PLEKHG1: variants seen among roughly 807,000 people sequenced by gnomAD.
PLEKHG1 encodes the protein pleckstrin homology and RhoGEF domain containing G1, also known as pleckstrin homology domain-containing family G member 1.
In PLEKHG1, 44 loss-of-function variants were observed where a neutral mutation model predicts 100.8. The ratio of observed to expected loss-of-function variants is 0.44; its 90% CI spans 0.34 to 0.56. PLEKHG1 has a LOEUF of 0.56. PLEKHG1 is among the 20% of genes least tolerant of loss of function. The pLI is 0.01. For missense variants in PLEKHG1, 1,545 were observed against 1,720.9 expected (o/e 0.90, Z 1.81); for synonymous variants, 640 against 662.5 (o/e 0.97, Z 0.52).
At chr6:150,803,376 T>C (rs1384796263) in intron 6 of PLEKHG1, among the ~76,000 whole-genome samples, 4 of 152,224 alleles carry the variant, frequency 2.6e-5, no homozygotes, top group Admixed American at 6.5e-5. Context: ...TATTGTTGTC[T>C]TTAAAAAGGC....
chr6:150,600,858 T>C lies in PLEKHG1; in HGVS notation c.-204+841T>C, dbSNP rs1212742507. 2.0e-5 allele frequency: 3 copies of C among 152,214 alleles called. No individual in the cohort carries two copies. The highest frequency in any genetic ancestry group is 2.0e-4 in the Admixed American group (3 of 15,280). 9.4% of individuals were successfully genotyped at this position (152,214 alleles called of 1,614,324 possible). ...GGAAACAATGAGCTGGATCCTTGAC[T>C]TGAATGTGCTGGCGGAGCGGGGTTT... is the stretch of plus-strand genomic sequence containing the variant. On this transcript the variant is annotated intron_variant, in intron 1 of 3. Coordinates refer to the PLEKHG1 transcript ENST00000367326. The surrounding 1 kb of genome is among the most constrained non-coding windows in gnomAD (Gnocchi z 6.2).
intron 10 of PLEKHG1, among the ~76,000 whole-genome samples, chr6:150,817,122 GA>G (rs1014012803): frequency 2.0e-5 from 3 of 152,194 alleles, no homozygotes; most frequent in Non-Finnish European, 4.4e-5. Flanking sequence ...GGGGGTTGGG[GA>G]CCCCTGCCCT....
chr6:150,600,610 G>A lies in PLEKHG1; in HGVS notation c.-204+593G>A, dbSNP rs1232196626. 6.6e-6 allele frequency among the ~76,000 whole-genome samples: 1 copy of A among 152,224 alleles called. No individual in the cohort carries two copies. The highest frequency in any genetic ancestry group is 1.5e-5 in the Non-Finnish European group (1 of 68,042). Reference sequence around the variant, plus strand: ...TCTGCAGATGCGCTTTTCAGGGGGTGGGGAGTCAAGAGCCTGTGGCTCTTC... The same window carrying A: ...TCTGCAGATGCGCTTTTCAGGGGGTAGGGAGTCAAGAGCCTGTGGCTCTTC... On this transcript the variant is annotated intron_variant, in intron 1 of 3. Transcript: ENST00000367326. This position sits in a 1 kb window ranked among gnomAD's most constrained non-coding sequence, Gnocchi z 6.2.
intron 1 of PLEKHG1, among the ~76,000 whole-genome samples, chr6:150,603,722 A>G (rs1275570986): frequency 6.8e-6 from 1 of 147,438 alleles, no homozygotes; most frequent in Non-Finnish European, 1.5e-5. Context: ...ATGAGATACA[A>G]GCCAAAGTAA....
intron 3 of PLEKHG1, among the ~76,000 whole-genome samples, chr6:150,666,738 G>A (rs1226345415): frequency 6.6e-6 from 1 of 151,754 alleles, no homozygotes; most frequent in Non-Finnish European, 1.5e-5. Flanking sequence ...TCATACAGTT[G>A]CCATCATACC....
intron 3 of PLEKHG1, among the ~76,000 whole-genome samples, chr6:150,680,658 G>T (rs887192251): frequency 6.6e-6 from 1 of 152,198 alleles, no homozygotes; most frequent in African/African-American, 2.4e-5. Context: ...GGCCAGAAGT[G>T]TCAGATGTTT....
At chr6:150,603,844 C>A (rs1492572) in intron 1 of PLEKHG1, among the ~76,000 whole-genome samples, 1 of 152,012 alleles carries the variant, frequency 6.6e-6, no homozygotes, top group Non-Finnish European at 1.5e-5. Flanking sequence ...CTTCTTTTCC[C>A]CTCCCTTCGT....
At chr6:150,713,793 C>T (rs564406396) in intron 3 of PLEKHG1, among the ~76,000 whole-genome samples, 41 of 152,248 alleles carry the variant, frequency 2.7e-4, no homozygotes, top group Middle Eastern at 3.4e-3. Context: ...GAGCCCTCTC[C>T]TTCATTCCAT....
intron 2 of PLEKHG1, among the ~76,000 whole-genome samples, chr6:150,757,154 C>T (rs963496372): frequency 6.6e-6 from 1 of 152,090 alleles, no homozygotes; most frequent in African/African-American, 2.4e-5. Flanking sequence ...CCCACTACCA[C>T]GCCGAGCAAT....
intron 2 of PLEKHG1, among the ~76,000 whole-genome samples, chr6:150,638,875 G>A (rs1778133898): frequency 6.6e-6 from 1 of 152,170 alleles, no homozygotes; most frequent in African/African-American, 2.4e-5. Flanking sequence ...AAATTTCTTT[G>A]TGGTTTGGCT....
At chr6:150,619,990 G>GT (rs1265582334) in intron 1 of PLEKHG1, among the ~76,000 whole-genome samples, 1 of 152,016 alleles carries the variant, frequency 6.6e-6, no homozygotes, top group African/African-American at 2.4e-5. Flanking sequence ...GTTTCCACAC[G>GT]TTTTTGTTAT....
At chr6:150,788,282 C>T (rs1290859678) in intron 4 of PLEKHG1, among the ~76,000 whole-genome samples, 1 of 152,244 alleles carries the variant, frequency 6.6e-6, no homozygotes, top group Non-Finnish European at 1.5e-5. Context: ...TTTCACTCAG[C>T]AGCCTGACAT....
At position 150,809,487 on chromosome 6, in the gene PLEKHG1, G is replaced by A. The variant is rs1230844266; in HGVS notation, c.1191+11G>A. The A allele has an allele frequency of 1.2e-6, 2 of 1,606,942 alleles. No homozygotes were observed. The highest frequency in any genetic ancestry group is 4.5e-5 in the East Asian group (2 of 44,842). On this transcript the variant is annotated intron_variant, in intron 9 of 15. Transcript: ENST00000358517. ...CAGCACACAGTCCAGGTAGCAGCCGGGCCCTGGCCTCTCCGCAAGGCCCCT... is the reference window on the plus strand; with the variant it reads ...CAGCACACAGTCCAGGTAGCAGCCGAGCCCTGGCCTCTCCGCAAGGCCCCT...
intron 2 of PLEKHG1, among the ~76,000 whole-genome samples, chr6:150,744,065 AT>A (rs1244032054): frequency 6.6e-6 from 1 of 151,842 alleles, no homozygotes; most frequent in African/African-American, 2.4e-5. Context: ...CTTACTTTTT[AT>A]TTTTTATTTT....
intron 10 of PLEKHG1, among the ~76,000 whole-genome samples, chr6:150,816,995 C>T (rs375415597): frequency 2.0e-4 from 30 of 152,284 alleles, no homozygotes; most frequent in Middle Eastern, 3.4e-3. Context: ...GGCTGTAATG[C>T]GAGCCATGAG....
At chr6:150,678,809 T>A (rs540152049) in intron 3 of PLEKHG1, among the ~76,000 whole-genome samples, 77 of 152,334 alleles carry the variant, frequency 5.1e-4, no homozygotes, top group Non-Finnish European at 9.3e-4. Context: ...TTCTAACCAA[T>A]CATGAGCAAA....
intron 4 of PLEKHG1, among the ~76,000 whole-genome samples, chr6:150,791,189 A>G (rs1420879748): frequency 2.0e-5 from 3 of 152,192 alleles, no homozygotes; most frequent in South Asian, 2.1e-4. Flanking sequence ...GACCTACTAC[A>G]TCAGTAACCC....
intron 3 of PLEKHG1, among the ~76,000 whole-genome samples, chr6:150,772,933 T>C (rs1351410387): frequency 6.6e-6 from 1 of 152,204 alleles, no homozygotes; most frequent in Non-Finnish European, 1.5e-5. Context: ...TCTTTGCAGA[T>C]TATGTGAGAT....
intron 3 of PLEKHG1, among the ~76,000 whole-genome samples, chr6:150,653,555 C>T (rs1203143984): frequency 6.6e-6 from 1 of 152,036 alleles, no homozygotes; most frequent in East Asian, 1.9e-4. Flanking sequence ...CCAGCCTGGG[C>T]AATATGGCAA....
Sources: allele counts gnomAD v4.1 joint callset (sites outside exome capture counted in the v4.1 genomes callset), GRCh38; gene constraint gnomAD v4.1.1; non-coding constraint Gnocchi (gnomAD v3.1); transcripts MANE v1.5; gene names NCBI Gene and HGNC (gene_info 2026-07-23, HGNC 2026-07-21).